Variants in LPP observed in about 807,000 individuals in gnomAD.
The protein encoded by LPP is lipoma-preferred partner.
LPP carries 38 observed loss-of-function variants against 60.4 expected under a neutral mutation model. The observed-to-expected ratio is 0.63, with a 90% confidence interval of 0.49 to 0.83. LPP has a LOEUF of 0.83. Among genes scored for constraint, LPP ranks in the 40% least tolerant of loss-of-function variants. The pLI, the probability that LPP is intolerant of heterozygous loss-of-function variation, is 0.00. For synonymous variants in LPP, 328 were observed against 290.8 expected (o/e 1.13, Z -1.30); for missense variants, 902 against 783.6 (o/e 1.15, Z -1.80).
At chr3:188,315,118 C>G (rs377747298) in intron 2 of LPP, among the ~76,000 whole-genome samples, 1 of 151,848 alleles carries the variant, frequency 6.6e-6, no homozygotes, top group African/African-American at 2.4e-5. Context: ...GCTTTTATAT[C>G]TATTCTGTGA....
intron 3 of LPP, among the ~76,000 whole-genome samples, chr3:188,353,370 G>C (rs756398304): frequency 6.6e-6 from 1 of 152,122 alleles, no homozygotes; most frequent in Non-Finnish European, 1.5e-5. Flanking sequence ...GGTGAAAATT[G>C]GCAAATGATT....
intron 5 of LPP, among the ~76,000 whole-genome samples, chr3:188,513,974 A>C (rs1369852308): frequency 6.6e-6 from 1 of 152,184 alleles, no homozygotes; most frequent in East Asian, 1.9e-4. Flanking sequence ...AACGACCTGG[A>C]AGGTGCATAC....
intron 6 of LPP, among the ~76,000 whole-genome samples, chr3:188,535,220 C>T (rs926555690): frequency 3.9e-5 from 6 of 151,906 alleles, no homozygotes; most frequent in African/African-American, 1.2e-4. Context: ...AGAAGGGGAT[C>T]GAATTATGTT....
chr3:188,634,953 G>C (rs1848459304), intron 7 of LPP, among the ~76,000 whole-genome samples: 1 of 151,976 alleles, frequency 6.6e-6, no homozygotes. Flanking sequence ...AAAAAGGTTG[G>C]GGACCACTGG....
chr3:188,330,352 T>A (rs751528880), intron 2 of LPP, among the ~76,000 whole-genome samples: 4 of 152,210 alleles, frequency 2.6e-5, no homozygotes, highest in African/African-American at 4.8e-5. Flanking sequence ...CTTGCAAACT[T>A]TCAAATGTAT....
chr3:188,805,080 T>G (rs987216916), intron 9 of LPP, among the ~76,000 whole-genome samples: 1 of 152,052 alleles, frequency 6.6e-6, no homozygotes, highest in Non-Finnish European at 1.5e-5. Flanking sequence ...CTTTTGTGTG[T>G]TATTGGATTT....
chr3:188,592,571 G>T lies in LPP; in HGVS notation c.430-16590G>T, dbSNP rs1839121992. 1.4e-4 allele frequency among the ~76,000 whole-genome samples: 5 copies of T among 36,908 alleles called. 2 individuals are homozygous for T. The highest frequency in any genetic ancestry group is 2.7e-4 in the Non-Finnish European group (4 of 14,868). 24.2% of individuals were successfully genotyped at this position (36,908 alleles called of 152,430 possible). A position where few individuals can be genotyped will look rare whatever the true frequency, so the allele number is the denominator to read the frequency against. On this transcript the variant is annotated intron_variant, in intron 6 of 11. Coordinates refer to ENST00000617246, the MANE Select transcript of LPP (RefSeq NM_001375462.1). ...GTTTTGTTTTTGTTTTTTAAATGGA[G>T]TCTCACTCTTTCTCCCAGGCTGGAG...
At chr3:188,789,319 A>C (rs1577564167) in intron 9 of LPP, among the ~76,000 whole-genome samples, 1 of 152,190 alleles carries the variant, frequency 6.6e-6, no homozygotes, top group African/African-American at 2.4e-5. Flanking sequence ...GGTTATTATA[A>C]CATGTCTGAT....
At chr3:188,690,354 A>G (rs554067821) in intron 7 of LPP, among the ~76,000 whole-genome samples, 2 of 152,320 alleles carry the variant, frequency 1.3e-5, no homozygotes, top group Non-Finnish European at 2.9e-5. Flanking sequence ...TAAATCGATA[A>G]ACTTCTTAGT....
intron 3 of LPP, among the ~76,000 whole-genome samples, chr3:188,370,938 T>A (rs1289285945): frequency 6.6e-6 from 1 of 152,342 alleles, no homozygotes; most frequent in African/African-American, 2.4e-5. Flanking sequence ...TTCTGAAGAC[T>A]TGGTTTTCTT....
At chr3:188,168,520 T>G (rs964662143) in intron 1 of LPP, among the ~76,000 whole-genome samples, 1 of 152,284 alleles carries the variant, frequency 6.6e-6, no homozygotes, top group Non-Finnish European at 1.5e-5. Context: ...TCTCTAATGC[T>G]TAAGTCTAAA....
chr3:188,554,261 C>T (rs1828936312), intron 6 of LPP, among the ~76,000 whole-genome samples: 1 of 151,954 alleles, frequency 6.6e-6, no homozygotes, highest in Non-Finnish European at 1.5e-5. Context: ...AGAGGAAAAA[C>T]CTTCTATCCC....
intron 9 of LPP, among the ~76,000 whole-genome samples, chr3:188,772,237 C>T (rs1184061321): frequency 3.3e-5 from 5 of 152,190 alleles, no homozygotes; most frequent in African/African-American, 7.2e-5. Flanking sequence ...ATGGAGGTTT[C>T]TCTGTCTATT....
chr3:188,181,492 C>G (rs1022011075), intron 1 of LPP, among the ~76,000 whole-genome samples: 11 of 152,128 alleles, frequency 7.2e-5, no homozygotes, highest in Non-Finnish European at 1.3e-4. Flanking sequence ...CTGTAAAGGA[C>G]TGGGTAGTAA....
chr3:188,214,467 G>A (rs1712695712), intron 1 of LPP, among the ~76,000 whole-genome samples: 1 of 152,198 alleles, frequency 6.6e-6, no homozygotes, highest in Non-Finnish European at 1.5e-5. Flanking sequence ...CCAGTGCAGG[G>A]AAGATGGTAG....
chr3:188,754,173 C>T (rs907367516), intron 8 of LPP, among the ~76,000 whole-genome samples: 7 of 152,122 alleles, frequency 4.6e-5, no homozygotes, highest in Non-Finnish European at 7.3e-5. Context: ...ATAAATTCAT[C>T]GGCAACCCAA....
intron 4 of LPP, among the ~76,000 whole-genome samples, chr3:188,447,333 T>C (rs940953848): frequency 2.6e-5 from 4 of 152,108 alleles, no homozygotes; most frequent in African/African-American, 9.7e-5. Flanking sequence ...GACTCTTGGC[T>C]GGGCGTGGTG....
At chr3:188,545,533 A>C (rs1406201884) in intron 6 of LPP, among the ~76,000 whole-genome samples, 1 of 152,056 alleles carries the variant, frequency 6.6e-6, no homozygotes, top group Admixed American at 6.6e-5. Flanking sequence ...CCATGAAAAT[A>C]GCTTAACTCT....
At chr3:188,380,562 A>G (rs146306694) in intron 3 of LPP, among the ~76,000 whole-genome samples, 7 of 152,348 alleles carry the variant, frequency 4.6e-5, no homozygotes, top group East Asian at 3.9e-4. Flanking sequence ...CTGTGTTTGC[A>G]TCTCTTGTAG....
Sources: gnomAD v4.1 joint callset for allele counts (sites outside exome capture counted in the v4.1 genomes callset) on GRCh38, gnomAD v4.1.1 for gene constraint, MANE v1.5 for transcripts, NCBI Gene and HGNC (gene_info 2026-07-23, HGNC 2026-07-21) for gene names.